Variants in SYT13 observed in about 807,000 individuals in gnomAD.
The protein encoded by SYT13 is synaptotagmin-13.
A neutral mutation model predicts 38.6 loss-of-function variants in SYT13; 21 were observed. The ratio of observed to expected loss-of-function variants is 0.54; its 90% CI spans 0.39 to 0.78. The LOEUF is 0.78. SYT13 is among the 30% of genes least tolerant of loss of function. The pLI is 0.00. For synonymous variants in SYT13, 241 were observed against 237.6 expected, an observed-to-expected ratio of 1.01 and a Z score of -0.13; for missense variants, 495 against 548.7, an observed-to-expected ratio of 0.90 and a Z score of 0.98.
chr11:45,272,913 G>A (rs1468530939), intron 1 of SYT13, among the ~76,000 whole-genome samples: 1 of 152,190 alleles, frequency 6.6e-6, no homozygotes, highest in African/African-American at 2.4e-5. Context: ...CAAATAGAGG[G>A]TGTTATCACT....
chr11:45,273,339 G>C (rs779070562), intron 1 of SYT13, among the ~76,000 whole-genome samples: 8 of 152,178 alleles, frequency 5.3e-5, no homozygotes, highest in Non-Finnish European at 1.2e-4. Flanking sequence ...GGGAGCAGGG[G>C]TGATGAAGGC....
At chr11:45,281,528 G>A (rs183458417) in intron 1 of SYT13, among the ~76,000 whole-genome samples, 9 of 152,220 alleles carry the variant, frequency 5.9e-5, no homozygotes, top group East Asian at 5.8e-4. Flanking sequence ...ATTGCTAGGC[G>A]TTGTGGTGCA....
intron 1 of SYT13, among the ~76,000 whole-genome samples, chr11:45,267,911 C>T (rs898680592): frequency 6.6e-6 from 1 of 152,152 alleles, no homozygotes; most frequent in African/African-American, 2.4e-5. Flanking sequence ...CTTCCAACAC[C>T]TCCTCTCCTG....
Position 45,286,303 on chromosome 11 carries a change from G to T in SYT13, c.-96C>A. On this transcript the variant is annotated 5_prime_UTR_variant, in exon 1 of 6. It adds an upstream start codon to the 5' untranslated region. Coordinates refer to ENST00000020926, the MANE Select transcript of SYT13 (RefSeq NM_020826.3). ...CAGCTCCCGGGATCCGGGCGAGCCA[G>T]CAGCTCTCCCGCCGCCAGAGGGGCG... The T allele has an allele frequency of 7.3e-7, 1 of 1,371,476 alleles. No individual in the cohort carries two copies. The highest frequency in any genetic ancestry group is 9.6e-7 in the Non-Finnish European group (1 of 1,047,088). The allele number at this position is 1,371,476 out of a possible 1,614,324, so 85.0% of individuals were successfully genotyped here.
chr11:45,255,327 A>G (rs1165464730), intron 2 of SYT13, among the ~76,000 whole-genome samples: 1 of 152,204 alleles, frequency 6.6e-6, no homozygotes, highest in Non-Finnish European at 1.5e-5. Flanking sequence ...GACCCATGCC[A>G]CACAATAAGT....
chr11:45,269,764 C>G (rs7478781), intron 1 of SYT13, among the ~76,000 whole-genome samples: 125,232 of 152,166 alleles, frequency 0.82, 52,312 homozygotes, highest in Non-Finnish European at 0.87. Context: ...ACTATACTGT[C>G]TGTGGTTTCT....
intron 1 of SYT13, among the ~76,000 whole-genome samples, chr11:45,278,020 C>T (rs1412253901): frequency 6.6e-6 from 1 of 152,194 alleles, no homozygotes; most frequent in African/African-American, 2.4e-5. Context: ...ATTCAATAAA[C>T]ACAACCAAGG....
At chr11:45,244,441 C>G in intron 5 of SYT13, 85 bp from the exon 6 acceptor site, 6 of 1,472,574 alleles carry the variant, frequency 4.1e-6, no homozygotes, top group Non-Finnish European at 4.6e-6. Context: ...GGACAAAGCT[C>G]CCTCCTGGTG....
chr11:45,275,620 G>T (rs1209972337), intron 1 of SYT13, among the ~76,000 whole-genome samples: 1 of 152,086 alleles, frequency 6.6e-6, no homozygotes, highest in Non-Finnish European at 1.5e-5. Flanking sequence ...ATAACATAAG[G>T]CAATTACAGC....
intron 1 of SYT13, among the ~76,000 whole-genome samples, chr11:45,284,656 G>A (rs1855112652): frequency 6.6e-6 from 1 of 152,190 alleles, no homozygotes; most frequent in Non-Finnish European, 1.5e-5. Flanking sequence ...AGGAAGGGGA[G>A]GGGGCGGTGC....
chr11:45,264,475 A>G (rs948129924), intron 1 of SYT13, among the ~76,000 whole-genome samples: 2 of 152,198 alleles, frequency 1.3e-5, no homozygotes, highest in African/African-American at 4.8e-5. Context: ...AGAGAGCCCC[A>G]TGTGCAAAGA....
At chr11:45,260,753 G>T (rs560790531) in intron 1 of SYT13, among the ~76,000 whole-genome samples, 7 of 152,296 alleles carry the variant, frequency 4.6e-5, no homozygotes, top group African/African-American at 1.4e-4. Context: ...ACCCTCAGAT[G>T]TGCATCAGAC....
At position 45,256,997 on chromosome 11, in the gene SYT13, G is replaced by C. The variant is rs187470674; in HGVS notation, c.184-1106C>G. ...CAGGGAGCATGCAATCAATACCTGT[G>C]ACTAGGGCTGCCATATTGAATGGTT... On this transcript the variant is annotated intron_variant, in intron 1 of 5. Coordinates refer to ENST00000020926, the MANE Select transcript of SYT13 (RefSeq NM_020826.3). Among the ~76,000 whole-genome samples, 297 of 152,282 alleles carry C rather than the reference G, an allele frequency of 2.0e-3. 1 individual carries two copies. Among genetic ancestry groups the C allele is most frequent in the Middle Eastern group, 3.4e-3 (1 of 294 alleles).
At chr11:45,258,213 T>C (rs1854772037) in intron 1 of SYT13, among the ~76,000 whole-genome samples, 1 of 152,158 alleles carries the variant, frequency 6.6e-6, no homozygotes, top group Non-Finnish European at 1.5e-5. Context: ...TCCAAATCTT[T>C]CCCCAGCACA....
Position 45,286,278 on chromosome 11 carries a change from C to A in SYT13, c.-71G>T. On this transcript the variant is annotated 5_prime_UTR_variant, in exon 1 of 6. Transcript: ENST00000020926. ...TCCCCGGGCCGGGCCCGCCTCCAGG[C>A]AGCTCCCGGGATCCGGGCGAGCCAG... 4 of 1,444,704 alleles carry A rather than the reference C, an allele frequency of 2.8e-6. No homozygotes were observed. Among genetic ancestry groups the A allele is most frequent in the Non-Finnish European group, 3.6e-6 (4 of 1,101,634 alleles). 89.5% of individuals were successfully genotyped at this position (1,444,704 alleles called of 1,614,324 possible).
chr11:45,265,602 C>T (rs530594860), intron 1 of SYT13, among the ~76,000 whole-genome samples: 7 of 152,294 alleles, frequency 4.6e-5, no homozygotes, highest in Non-Finnish European at 1.0e-4. Flanking sequence ...TGCAGAGAGC[C>T]ATTTTGTTGC....
chr11:45,278,548 C>G lies in SYT13; in HGVS notation c.183+7477G>C, dbSNP rs552807443. 1.0e-3 allele frequency among the ~76,000 whole-genome samples: 156 copies of G among 152,238 alleles called. 1 individual carries two copies. The highest frequency in any genetic ancestry group is 2.1e-4 in the Non-Finnish European group (14 of 68,026). On this transcript the variant is annotated intron_variant, in intron 1 of 5. Transcript: ENST00000020926. ...TCATGATCCAATGGCCTCTCTATCC[C>G]TCCTCCTGTGCCCCAGGTACCTCCT...
intron 1 of SYT13, among the ~76,000 whole-genome samples, chr11:45,272,248 A>G (rs1398701332): frequency 6.6e-6 from 1 of 152,190 alleles, no homozygotes; most frequent in Non-Finnish European, 1.5e-5. Flanking sequence ...AATATAGGTG[A>G]TGAGTTGATG....
chr11:45,264,264 T>C (rs1165833340), intron 1 of SYT13, among the ~76,000 whole-genome samples: 1 of 152,174 alleles, frequency 6.6e-6, no homozygotes, highest in Non-Finnish European at 1.5e-5. Flanking sequence ...TCCCGTCCCT[T>C]GGTGTCCACG....
Sources: gnomAD v4.1 joint callset for allele counts (sites outside exome capture counted in the v4.1 genomes callset) on GRCh38, gnomAD v4.1.1 for gene constraint, MANE v1.5 for transcripts, NCBI Gene and HGNC (gene_info 2026-07-23, HGNC 2026-07-21) for gene names.